Variants in UBR3 observed in about 807,000 individuals in gnomAD.
UBR3 encodes the protein ubiquitin protein ligase E3 component n-recognin 3, also known as E3 ubiquitin-protein ligase UBR3.
A neutral mutation model predicts 243.2 loss-of-function variants in UBR3; 85 were observed. The observed-to-expected ratio is 0.35, with a 90% CI of 0.29 to 0.42. The LOEUF is 0.42. Among genes scored for constraint, UBR3 ranks in the 10% least tolerant of loss-of-function variants. The probability of loss-of-function intolerance (pLI) is 1.00; values close to 1 mark genes in which losing one functional copy is unlikely to be tolerated. For synonymous variants in UBR3, 748 were observed against 799.8 expected, an observed-to-expected ratio of 0.94 and a Z score of 1.09; for missense variants, 1,686 against 2,300.8, an observed-to-expected ratio of 0.73 and a Z score of 5.47.
chr2:170,017,219 A>G (rs1250987639), intron 30 of UBR3, among the ~76,000 whole-genome samples: 5 of 151,150 alleles, frequency 3.3e-5, no homozygotes, highest in Non-Finnish European at 7.4e-5. Flanking sequence ...AAAAAAATCT[A>G]TCTTTTTTCT....
intron 24 of UBR3, among the ~76,000 whole-genome samples, chr2:169,977,794 T>C (rs1205103095): frequency 6.6e-6 from 1 of 152,252 alleles, no homozygotes. Flanking sequence ...ACCAGCCATC[T>C]AGGCATCCCT....
At chr2:170,032,372 GT>G (rs1329803705) in intron 31 of UBR3, among the ~76,000 whole-genome samples, 1 of 151,980 alleles carries the variant, frequency 6.6e-6, no homozygotes, top group Non-Finnish European at 1.5e-5. Flanking sequence ...ATGGTGCTGG[GT>G]TAATTGGATA....
At chr2:169,845,403 A>G (rs1176584917) in intron 1 of UBR3, among the ~76,000 whole-genome samples, 2 of 148,652 alleles carry the variant, frequency 1.3e-5, no homozygotes, top group African/African-American at 4.9e-5. Context: ...AGTCTGGGTG[A>G]CATAGTGAGA....
chr2:170,078,141 T>G (rs2091848683), intron 36 of UBR3: 1 of 602,266 alleles, frequency 1.7e-6, no homozygotes, highest in Non-Finnish European at 3.1e-6. Context: ...TGGTGCTGTT[T>G]AAGATAAAGC....
rs2081782169 is a variant in UBR3, at chr2:169,827,583, C to T, written c.76C>T (p.Leu26=). ...CGAGCTGCCCGCGCCGGGGCTGGCC[C>T]TAGACAAGGCGGCCACCGCCGCGCA... ...QPELPAPGLA[L]DKAATAAHLK... The change falls in exon 1 of 39, where the codon CTA becomes TTA. Residue 26 remains leucine, a synonymous_variant. Transcript: ENST00000272793. 8.0e-7 allele frequency: 1 copy of T among 1,251,482 alleles called. No individual in the cohort carries two copies. Among genetic ancestry groups the T allele is most frequent in the African/African-American group, 1.6e-5 (1 of 64,272 alleles). 77.5% of individuals were successfully genotyped at this position (1,251,482 alleles called of 1,614,324 possible). A position where few individuals can be genotyped will look rare whatever the true frequency, so the allele number is the denominator to read the frequency against.
chr2:170,071,885 T>TTTGA (rs1280736735), intron 35 of UBR3, among the ~76,000 whole-genome samples: 1 of 152,178 alleles, frequency 6.6e-6, no homozygotes, highest in African/African-American at 2.4e-5. Context: ...AGAAGGCAAA[T>TTTGA]TTGATTTTAA....
At chr2:169,857,651 T>G (rs1400158518) in intron 1 of UBR3, among the ~76,000 whole-genome samples, 1 of 151,662 alleles carries the variant, frequency 6.6e-6, no homozygotes, top group African/African-American at 2.4e-5. Context: ...GATCTCAAAC[T>G]CCTGACCTCA....
chr2:169,972,928 G>A (rs1382804359), intron 24 of UBR3, among the ~76,000 whole-genome samples: 1 of 144,616 alleles, frequency 6.9e-6, no homozygotes, highest in African/African-American at 2.6e-5. Context: ...AATTAGGCAG[G>A]AGAAGGAAAT....
chr2:169,890,591 A>ATGTATATATATG (rs2084336241), intron 5 of UBR3, among the ~76,000 whole-genome samples: 1 of 102,134 alleles, frequency 9.8e-6, no homozygotes, highest in African/African-American at 3.7e-5. Context: ...GTATATATAT[A>ATGTATATATATG]TGTATATATA....
At chr2:169,966,744 G>T (rs887197356) in intron 24 of UBR3, among the ~76,000 whole-genome samples, 4 of 151,944 alleles carry the variant, frequency 2.6e-5, no homozygotes, top group African/African-American at 7.3e-5. Context: ...GGGTTGAGAG[G>T]GTCAAATGTA....
chr2:169,878,389 C>A, intron 4 of UBR3, 136 bp from the exon 5 acceptor site: 1 of 765,038 alleles, frequency 1.3e-6, no homozygotes, highest in Non-Finnish European at 2.0e-6. Context: ...TTGGACTTTG[C>A]CAAGATAACT....
intron 8 of UBR3, among the ~76,000 whole-genome samples, chr2:169,900,447 G>T (rs1383362966): frequency 2.0e-5 from 3 of 152,178 alleles, no homozygotes; most frequent in Non-Finnish European, 4.4e-5. Context: ...TAGGTTGCCT[G>T]TTCACTCTGG....
At chr2:170,003,747 TCTC>T (rs1386828821) in intron 27 of UBR3, among the ~76,000 whole-genome samples, 1 of 152,032 alleles carries the variant, frequency 6.6e-6, no homozygotes, top group African/African-American at 2.4e-5. Context: ...TTCACGCCGT[TCTC>T]CTGCCTCAGC....
chr2:170,069,675 C>T (rs2091654604), intron 35 of UBR3, among the ~76,000 whole-genome samples: 1 of 151,942 alleles, frequency 6.6e-6, no homozygotes. Flanking sequence ...ATTTGTCTCT[C>T]TGTGACTGGC....
intron 35 of UBR3, among the ~76,000 whole-genome samples, chr2:170,065,960 G>A (rs193132846): frequency 6.9e-5 from 10 of 145,944 alleles, no homozygotes; most frequent in Admixed American, 3.4e-4. Flanking sequence ...ATGCTTCTAC[G>A]TATCCCGTGC....
chr2:169,864,924 A>G (rs898716639), intron 1 of UBR3, among the ~76,000 whole-genome samples: 5 of 150,390 alleles, frequency 3.3e-5, no homozygotes, highest in African/African-American at 1.2e-4. Context: ...AAAAAAAAAA[A>G]AAAAAGAAAG....
intron 1 of UBR3, among the ~76,000 whole-genome samples, chr2:169,852,270 A>G (rs776223393): frequency 1.4e-4 from 21 of 152,236 alleles, no homozygotes; most frequent in Non-Finnish European, 2.8e-4. Context: ...TGATTAAAAG[A>G]TGAATGGAAT....
At chr2:169,874,101 T>A (rs1376978694) in intron 2 of UBR3, among the ~76,000 whole-genome samples, 3 of 152,094 alleles carry the variant, frequency 2.0e-5, no homozygotes, top group Non-Finnish European at 4.4e-5. Flanking sequence ...GAATGTAGGT[T>A]CATGGAAGTT....
intron 25 of UBR3, among the ~76,000 whole-genome samples, chr2:169,990,483 A>G (rs2089220502): frequency 6.6e-6 from 1 of 152,148 alleles, no homozygotes; most frequent in Non-Finnish European, 1.5e-5. Context: ...TCAAAAATAT[A>G]TATAATAAAA....
Sources: allele counts gnomAD v4.1 joint callset (sites outside exome capture counted in the v4.1 genomes callset), GRCh38; gene constraint gnomAD v4.1.1; transcripts MANE v1.5; gene names NCBI Gene and HGNC (gene_info 2026-07-23, HGNC 2026-07-21).